CFAP299: variants seen among roughly 807,000 people sequenced by gnomAD.
The protein encoded by CFAP299 is cilia- and flagella-associated protein 299.
CFAP299 carries 21 observed loss-of-function variants against 27.0 expected under a neutral mutation model. The observed-to-expected ratio is 0.78, with a 90% CI of 0.55 to 1.12. The LOEUF (loss-of-function observed/expected upper bound fraction) is 1.12, where lower values mean the gene tolerates loss of function less well. Among genes scored for constraint, CFAP299 ranks in the 50% most tolerant of loss-of-function variants. The pLI, the probability that CFAP299 is intolerant of heterozygous loss-of-function variation, is 0.00. For missense variants in CFAP299, 310 were observed against 276.6 expected (o/e 1.12, Z -0.86); for synonymous variants, 104 against 98.1 (o/e 1.06, Z -0.36).
chr4:80,431,930 C>T (rs912983199), intron 2 of CFAP299, among the ~76,000 whole-genome samples: 4 of 152,200 alleles, frequency 2.6e-5, no homozygotes, highest in African/African-American at 4.8e-5. Context: ...GCTACTTTCA[C>T]AGAAGAGTTT....
chr4:80,533,709 A>G (rs1034884495), intron 2 of CFAP299, among the ~76,000 whole-genome samples: 1 of 152,206 alleles, frequency 6.6e-6, no homozygotes, highest in East Asian at 1.9e-4. Flanking sequence ...AAGCCTTTTA[A>G]TGCAAATCAA....
intron 3 of CFAP299, among the ~76,000 whole-genome samples, chr4:80,681,220 A>G (rs1560694810): frequency 6.6e-6 from 1 of 152,134 alleles, no homozygotes; most frequent in Non-Finnish European, 1.5e-5. Context: ...CCCTCTCTCT[A>G]TTGAATATGT....
At chr4:80,332,089 A>G (rs955779563), upstream of CFAP299, among the ~76,000 whole-genome samples, 5 of 152,260 alleles carry the variant, frequency 3.3e-5, no homozygotes, top group African/African-American at 1.2e-4. Flanking sequence ...GAGAGTGGTC[A>G]CAGGGTCAAA....
chr4:80,698,750 T>C (rs1337668867), intron 3 of CFAP299, among the ~76,000 whole-genome samples: 2 of 152,148 alleles, frequency 1.3e-5, no homozygotes, highest in African/African-American at 2.4e-5. Flanking sequence ...GGCAGGCACA[T>C]CTTACATGGC....
intron 3 of CFAP299, among the ~76,000 whole-genome samples, chr4:80,663,631 A>G (rs1432342108): frequency 1.3e-5 from 2 of 152,296 alleles, no homozygotes; most frequent in Middle Eastern, 3.4e-3. Context: ...AATTATTTAT[A>G]ATCCTTTGGG....
chr4:80,680,836 G>A (rs931365009), intron 3 of CFAP299, among the ~76,000 whole-genome samples: 1 of 152,128 alleles, frequency 6.6e-6, no homozygotes, highest in Non-Finnish European at 1.5e-5. Flanking sequence ...TCAAGAACAA[G>A]GTTATTAATT....
chr4:80,739,682 T>C (rs1724138029), intron 3 of CFAP299, among the ~76,000 whole-genome samples: 1 of 152,110 alleles, frequency 6.6e-6, no homozygotes, highest in South Asian at 2.1e-4. Flanking sequence ...TAAATCTGTG[T>C]GGTGTTTCTA....
At chr4:80,638,020 A>G (rs1300278463) in intron 3 of CFAP299, among the ~76,000 whole-genome samples, 1 of 152,224 alleles carries the variant, frequency 6.6e-6, no homozygotes, top group Non-Finnish European at 1.5e-5. Context: ...ATTTTATGTG[A>G]GAGAAAATTT....
chr4:80,785,958 T>C (rs1389100682), intron 3 of CFAP299, among the ~76,000 whole-genome samples: 2 of 152,136 alleles, frequency 1.3e-5, no homozygotes, highest in African/African-American at 4.8e-5. Flanking sequence ...GTAATAAAAT[T>C]TAATGTTCAG....
chr4:80,532,090 A>AT (rs564249589), intron 2 of CFAP299, among the ~76,000 whole-genome samples: 27 of 152,174 alleles, frequency 1.8e-4, no homozygotes, highest in African/African-American at 5.5e-4. Context: ...TCTAGGAAAG[A>AT]TTTTTTAAGA....
intron 4 of CFAP299, among the ~76,000 whole-genome samples, chr4:80,932,846 G>C (rs1356378727): frequency 6.6e-6 from 1 of 151,960 alleles, no homozygotes; most frequent in East Asian, 1.9e-4. Context: ...TTAGTAGCAG[G>C]CCCTGTCTTT....
rs995877198 is a variant in CFAP299 at position 80,830,605 on chromosome 4, A to G, written c.334-39388A>G. Among the ~76,000 whole-genome samples the G allele has an allele frequency of 3.3e-5, 5 of 152,052 alleles. No homozygotes were observed. The East Asian group carries it at 9.6e-4, about 29-fold the overall frequency. ...CTTGTAAGCCATGTTAGGAAGGCCAAACTATCTCAAGGGCAGGAGTTGGAC... is the reference window on the plus strand; with the variant it reads ...CTTGTAAGCCATGTTAGGAAGGCCAGACTATCTCAAGGGCAGGAGTTGGAC... On this transcript the variant is annotated intron_variant, in intron 3 of 5. Transcript: ENST00000358105.
At chr4:80,323,073 A>G in the CFAP299 span, among the ~76,000 whole-genome samples, 1 of 152,246 alleles carries the variant, frequency 6.6e-6, no homozygotes, top group Non-Finnish European at 1.5e-5. Flanking sequence ...AGGGTAGAAT[A>G]TGGGGCAGAA....
chr4:80,506,046 T>C (rs1278032946), intron 2 of CFAP299, among the ~76,000 whole-genome samples: 1 of 151,526 alleles, frequency 6.6e-6, no homozygotes, highest in Admixed American at 6.6e-5. Context: ...TGGCAATTTA[T>C]GTTCCCAGAT....
intron 3 of CFAP299, among the ~76,000 whole-genome samples, chr4:80,660,629 CAA>C (rs1468376598): frequency 1.3e-5 from 2 of 152,104 alleles, no homozygotes; most frequent in Admixed American, 6.5e-5. Flanking sequence ...CGATGGAAAA[CAA>C]GAGGTCTAGG....
At chr4:80,826,270 GA>G (rs1272140449) in intron 3 of CFAP299, among the ~76,000 whole-genome samples, 1 of 150,430 alleles carries the variant, frequency 6.6e-6, no homozygotes, top group Non-Finnish European at 1.5e-5. Context: ...TATTTCACTA[GA>G]AAAAAAACAG....
chr4:80,338,642 C>T (rs1180035273), intron 1 of CFAP299, among the ~76,000 whole-genome samples: 1 of 152,134 alleles, frequency 6.6e-6, no homozygotes, highest in Non-Finnish European at 1.5e-5. Flanking sequence ...TTTATCCAGC[C>T]ACCTTTTTAG....
intron 3 of CFAP299, among the ~76,000 whole-genome samples, chr4:80,704,558 C>A (rs1193600579): frequency 1.3e-5 from 2 of 151,750 alleles, no homozygotes; most frequent in African/African-American, 4.8e-5. Context: ...ATACATTTTA[C>A]AGTTACTTTA....
chr4:80,613,379 A>T (rs1188883791), intron 3 of CFAP299, among the ~76,000 whole-genome samples: 1 of 152,118 alleles, frequency 6.6e-6, no homozygotes, highest in Non-Finnish European at 1.5e-5. Flanking sequence ...TTACTGAATG[A>T]TTTAACTCTA....
Sources: allele counts gnomAD v4.1 joint callset (sites outside exome capture counted in the v4.1 genomes callset), GRCh38; gene constraint gnomAD v4.1.1; transcripts MANE v1.5; gene names NCBI Gene and HGNC (gene_info 2026-07-23, HGNC 2026-07-21).